The following IQCM variants were observed in gnomAD, a reference collection of about 807,000 sequenced individuals.
The protein encoded by IQCM is IQ motif containing M.
In IQCM, 45 loss-of-function variants were observed where a neutral mutation model predicts 57.6. The observed-to-expected ratio is 0.78, with a 90% CI of 0.62 to 1.00. The LOEUF is 1.00. IQCM is among the 50% of genes least tolerant of loss of function. IQCM has a pLI of 0.00. For missense variants in IQCM, 468 were observed against 511.6 expected, an observed-to-expected ratio of 0.91 and a Z score of 0.82; for synonymous variants, 148 against 158.9, an observed-to-expected ratio of 0.93 and a Z score of 0.51.
rs144378029 is a variant in IQCM at position 149,672,230 on chromosome 4, C to T, written c.565+9888G>A. On this transcript the variant is annotated intron_variant, in intron 7 of 13. Transcript: ENST00000636793. ...GAGCGGCTCTTCTCCTCCAAGGAAA[C>T]GCAGCTCCTCGCCAGCAACGGAACA... Among the ~76,000 whole-genome samples, 1,412 of 152,212 alleles carry T rather than the reference C, an allele frequency of 9.3e-3. 20 individuals are homozygous for T. Among genetic ancestry groups the T allele is most frequent in the African/African-American group, 0.031 (1,295 of 41,518 alleles).
intron 8 of IQCM, among the ~76,000 whole-genome samples, chr4:149,605,360 A>G (rs1754684040): frequency 6.6e-6 from 1 of 152,176 alleles, no homozygotes; most frequent in Non-Finnish European, 1.5e-5. Flanking sequence ...AAAATCTTTT[A>G]TGTGGGTGGG....
At chr4:149,725,683 C>T (rs1765827589) in intron 5 of IQCM, among the ~76,000 whole-genome samples, 1 of 151,926 alleles carries the variant, frequency 6.6e-6, no homozygotes, top group Non-Finnish European at 1.5e-5. Flanking sequence ...GAGAAAAATC[C>T]CCCAAAAGAG....
chr4:149,755,353 C>A lies in IQCM; in HGVS notation c.-48-12614G>T, dbSNP rs1261292279. Among the ~76,000 whole-genome samples the A allele has an allele frequency of 3.9e-5, 6 of 152,328 alleles. No homozygotes were observed. In the East Asian group the frequency reaches 5.8e-4, roughly 15 times the overall value. On this transcript the variant is annotated intron_variant, in intron 2 of 13. Coordinates refer to ENST00000636793, the MANE Select transcript of IQCM (RefSeq NM_001363507.2). ...ATGTCCCCACACACCCCTACATTAT[C>A]TGTGGCTAGCTGACCTCATTTTCCC...
At chr4:149,746,666 G>A (rs1767964369) in intron 2 of IQCM, among the ~76,000 whole-genome samples, 1 of 152,156 alleles carries the variant, frequency 6.6e-6, no homozygotes, top group African/African-American at 2.4e-5. Context: ...GGCTTGGTTT[G>A]ACTTCTCTTG....
At chr4:149,637,905 TG>T (rs1757862332) in intron 7 of IQCM, among the ~76,000 whole-genome samples, 1 of 152,040 alleles carries the variant, frequency 6.6e-6, no homozygotes. Context: ...TTCACAACCC[TG>T]GAACAGACAA....
At chr4:149,811,470 T>C (rs1774558876) in intron 2 of IQCM, among the ~76,000 whole-genome samples, 1 of 152,164 alleles carries the variant, frequency 6.6e-6, no homozygotes, top group Non-Finnish European at 1.5e-5. Context: ...AAAAAAGAAA[T>C]ACAAAACCAT....
intron 12 of IQCM, among the ~76,000 whole-genome samples, chr4:149,443,723 GGAA>G (rs1366923105): frequency 4.7e-5 from 7 of 147,716 alleles, no homozygotes; most frequent in African/African-American, 1.5e-4. Context: ...GGAAAGGAAA[GGAA>G]AGGAAAGGAA....
chr4:149,503,925 G>A (rs960636348), intron 12 of IQCM, among the ~76,000 whole-genome samples: 1 of 151,898 alleles, frequency 6.6e-6, no homozygotes, highest in Non-Finnish European at 1.5e-5. Context: ...CATTTAAAGA[G>A]CATTTCCAAA....
chr4:149,735,843 T>C (rs534646169), intron 3 of IQCM, among the ~76,000 whole-genome samples: 44 of 152,232 alleles, frequency 2.9e-4, no homozygotes, highest in Admixed American at 7.2e-4. Flanking sequence ...GATAAAATTA[T>C]AACTGTAAAA....
intron 12 of IQCM, among the ~76,000 whole-genome samples, chr4:149,474,257 A>G (rs1443946728): frequency 6.6e-6 from 1 of 152,030 alleles, no homozygotes; most frequent in Non-Finnish European, 1.5e-5. Flanking sequence ...GGACTATAAA[A>G]TAAAGTAGTC....
intron 12 of IQCM, among the ~76,000 whole-genome samples, chr4:149,495,099 G>A (rs1742516252): frequency 6.6e-6 from 1 of 152,062 alleles, no homozygotes; most frequent in Non-Finnish European, 1.5e-5. Context: ...ATATGAAAGG[G>A]TGACAGTGCC....
At chr4:149,379,931 G>T (rs1019122040) in intron 13 of IQCM, among the ~76,000 whole-genome samples, 2 of 152,094 alleles carry the variant, frequency 1.3e-5, no homozygotes, top group African/African-American at 4.8e-5. Context: ...TCAAGGGGGT[G>T]GTTCCCCCAT....
intron 13 of IQCM, among the ~76,000 whole-genome samples, chr4:149,371,657 A>C (rs1006119811): frequency 6.6e-6 from 1 of 152,142 alleles, no homozygotes; most frequent in African/African-American, 2.4e-5. Context: ...TTATCACATA[A>C]AGCTCCACAG....
At chr4:149,361,564 G>A (rs751702067) in intron 13 of IQCM, among the ~76,000 whole-genome samples, 3 of 152,204 alleles carry the variant, frequency 2.0e-5, no homozygotes, top group African/African-American at 7.2e-5. Flanking sequence ...AGGGGCCAAC[G>A]TACAGCTCAG....
intron 13 of IQCM, among the ~76,000 whole-genome samples, chr4:149,360,643 G>C (rs1729411102): frequency 6.6e-6 from 1 of 152,110 alleles, no homozygotes; most frequent in African/African-American, 2.4e-5. Context: ...GATCTGATAG[G>C]TTTATCAGGG....
chr4:149,404,016 A>G (rs1732802014), intron 13 of IQCM, among the ~76,000 whole-genome samples: 1 of 152,070 alleles, frequency 6.6e-6, no homozygotes, highest in Admixed American at 6.6e-5. Context: ...AGTATTAGCA[A>G]GCATTTATTA....
chr4:149,629,234 T>C (rs1757054602), intron 7 of IQCM, among the ~76,000 whole-genome samples: 1 of 152,010 alleles, frequency 6.6e-6, no homozygotes, highest in Admixed American at 6.6e-5. Context: ...AACTAAACCA[T>C]TTTTTTCCCC....
At chr4:149,447,435 G>A (rs1167342079) in intron 12 of IQCM, among the ~76,000 whole-genome samples, 1 of 151,524 alleles carries the variant, frequency 6.6e-6, no homozygotes, top group Non-Finnish European at 1.5e-5. Flanking sequence ...TGTTCAAGAA[G>A]TTAAAGGAAG....
intron 12 of IQCM, chr4:149,514,644 T>C (rs989500267): frequency 6.6e-6 from 1 of 152,224 alleles, no homozygotes; most frequent in Non-Finnish European, 1.5e-5. Context: ...TGTTTTTCAG[T>C]CTGTTAATGT....
Sources: gnomAD v4.1 joint callset for allele counts (sites outside exome capture counted in the v4.1 genomes callset) on GRCh38, gnomAD v4.1.1 for gene constraint, MANE v1.5 for transcripts, NCBI Gene and HGNC (gene_info 2026-07-23, HGNC 2026-07-21) for gene names.